Variants in FYB2 observed in about 807,000 individuals in gnomAD.
FYB2 encodes the protein FYN-binding protein 2.
In FYB2, 103 loss-of-function variants were observed where a neutral mutation model predicts 94.1. The observed-to-expected ratio is 1.09, with a 90% CI of 0.93 to 1.29. The LOEUF (loss-of-function observed/expected upper bound fraction) is 1.29. Among genes scored for constraint, FYB2 ranks in the 50% most tolerant of loss-of-function variants. The pLI, the probability that FYB2 is intolerant of heterozygous loss-of-function variation, is 0.00. For missense variants in FYB2, 896 were observed against 841.5 expected, an observed-to-expected ratio of 1.06 and a Z score of -0.80; for synonymous variants, 293 against 287.9, an observed-to-expected ratio of 1.02 and a Z score of -0.18.
intron 15 of FYB2, among the ~76,000 whole-genome samples, chr1:56,732,947 C>T (rs961886334): frequency 1.3e-5 from 2 of 152,024 alleles, no homozygotes; most frequent in African/African-American, 4.8e-5. Context: ...ACTAAGACCT[C>T]AGTAGCACAA....
upstream of FYB2, chr1:56,819,509 A>T (rs776013078): frequency 1.7e-3 from 1,081 of 631,290 alleles, 18 homozygotes; most frequent in Non-Finnish European, 8.5e-4. Flanking sequence ...AGCTTGGCTT[A>T]GACCAGCACC....
At chr1:56,819,428 C>T (rs1405279139), upstream of FYB2, 3 of 1,218,992 alleles carry the variant, frequency 2.5e-6, no homozygotes, top group Non-Finnish European at 3.5e-6. Flanking sequence ...GCCCAGGCTC[C>T]CCACCTGCCC....
At chr1:56,778,714 A>C (rs1318990046) in intron 4 of FYB2, among the ~76,000 whole-genome samples, 1 of 152,212 alleles carries the variant, frequency 6.6e-6, no homozygotes, top group Non-Finnish European at 1.5e-5. Flanking sequence ...GCAGAATCAT[A>C]TATGAAATAG....
chr1:56,803,168 G>A (rs1287921846), intron 1 of FYB2, among the ~76,000 whole-genome samples: 15 of 152,080 alleles, frequency 9.9e-5, no homozygotes, highest in Admixed American at 8.5e-4. Context: ...TTCTGTATAC[G>A]TAAATCCTAG....
chr1:56,755,310 T>C (rs1645300413), intron 7 of FYB2, among the ~76,000 whole-genome samples: 2 of 152,032 alleles, frequency 1.3e-5, no homozygotes, highest in African/African-American at 4.8e-5. Context: ...GTGGCATTTG[T>C]GCAAACATAC....
At chr1:56,768,482 A>G (rs1259397295) in intron 4 of FYB2, among the ~76,000 whole-genome samples, 1 of 152,214 alleles carries the variant, frequency 6.6e-6, no homozygotes, top group Non-Finnish European at 1.5e-5. Context: ...GACTATGGCC[A>G]TAGGAACTGA....
Position 56,753,825 on chromosome 1 carries a change from T to C in FYB2, c.1227+14A>G. On this transcript the variant is annotated intron_variant, in intron 8 of 19. Coordinates refer to ENST00000343433, the MANE Select transcript of FYB2 (RefSeq NM_001004303.5). Reference sequence around the variant, plus strand: ...TTATATGTCTAAACTGCAGGAACCGTAGAACATAGGTACCTTGAAAACATG... The same window carrying C: ...TTATATGTCTAAACTGCAGGAACCGCAGAACATAGGTACCTTGAAAACATG... 6.4e-7 allele frequency: 1 copy of C among 1,571,232 alleles called. No homozygotes were observed. Among genetic ancestry groups the C allele is most frequent in the South Asian group, 1.1e-5 (1 of 90,198 alleles).
chr1:56,741,768 A>G (rs1172398975), intron 12 of FYB2, among the ~76,000 whole-genome samples: 1 of 152,078 alleles, frequency 6.6e-6, no homozygotes, highest in African/African-American at 2.4e-5. Context: ...ACAGAGACAC[A>G]GGTAAGTCAT....
intron 7 of FYB2, among the ~76,000 whole-genome samples, chr1:56,754,938 C>T (rs1171801878): frequency 2.0e-5 from 3 of 152,006 alleles, no homozygotes; most frequent in African/African-American, 7.2e-5. Context: ...AATTTAGGGA[C>T]AGGCAGGAAC....
At chr1:56,753,692 T>C (rs1570000844) in intron 8 of FYB2, 147 bp downstream of exon 8, 3 of 608,034 alleles carry the variant, frequency 4.9e-6, no homozygotes, top group East Asian at 5.6e-5. Context: ...AGTGTCATTG[T>C]TACATTTATT....
rs1644809605 is a variant in FYB2 at position 56,735,477 on chromosome 1, G to C, written c.1793+1610C>G. Among the ~76,000 whole-genome samples, 3 of 152,124 alleles carry C rather than the reference G, an allele frequency of 2.0e-5. No homozygotes were observed. In the South Asian group the frequency reaches 6.2e-4, roughly 32 times the overall value. The stretch of plus-strand genomic sequence containing the variant: ...GCTGGGAAAGTAGGGAATAGAGAGA[G>C]ATTAGTTCAGGATACAATATACAGT... On this transcript the variant is annotated intron_variant, in intron 15 of 19. Transcript: ENST00000343433.
chr1:56,736,154 AT>A lies in FYB2; in HGVS notation c.1793+932del, dbSNP rs533017295. On this transcript the variant is annotated intron_variant, in intron 15 of 19. Coordinates refer to ENST00000343433, the MANE Select transcript of FYB2 (RefSeq NM_001004303.5). ...CATAGAAACCTAGGGAAAAACTAGT[AT>A]TTTTTTTCCTTTGGAGGATGGCATA... Among the ~76,000 whole-genome samples, 35 of 151,978 alleles carry A rather than the reference AT, an allele frequency of 2.3e-4. No individual in the cohort carries two copies. The South Asian group carries it at 6.9e-3, about 30-fold the overall frequency.
At chr1:56,756,736 T>C (rs919060239) in intron 6 of FYB2, among the ~76,000 whole-genome samples, 1 of 152,108 alleles carries the variant, frequency 6.6e-6, no homozygotes, top group Non-Finnish European at 1.5e-5. Context: ...ATGTCATCTG[T>C]AATATGGGAG....
At chr1:56,819,642 G>A (rs1646966029), upstream of FYB2, 1 of 444,550 alleles carries the variant, frequency 2.2e-6, no homozygotes, top group Non-Finnish European at 4.1e-6. Flanking sequence ...CAGGGCATTT[G>A]TGCCCAGGCA....
intron 1 of FYB2, among the ~76,000 whole-genome samples, chr1:56,801,808 A>T (rs868339237): frequency 6.6e-6 from 1 of 152,160 alleles, no homozygotes; most frequent in African/African-American, 2.4e-5. Flanking sequence ...TCTGGAATAC[A>T]TCTTAATTCT....
At chr1:56,720,440 G>T in intron 17 of FYB2, 111 bp from the exon 18 acceptor site, 1 of 980,880 alleles carries the variant, frequency 1.0e-6, no homozygotes, top group Non-Finnish European at 1.4e-6. Context: ...AGATACTATT[G>T]ACTAGTTAAA....
chr1:56,726,457 C>A (rs747728756), intron 16 of FYB2, 40 bp downstream of exon 16: 2 of 1,556,466 alleles, frequency 1.3e-6, no homozygotes. Context: ...GTATAAATTG[C>A]AGCAGATAAG....
At position 56,720,038 on chromosome 1, in the gene FYB2, C is replaced by A; in HGVS notation, c.2149G>T (p.Glu717Ter). The change falls in exon 19 of 20, where the codon GAA (glutamate) becomes TAA (stop). Residue 717 changes from glutamate to a stop codon, truncating the protein, a stop_gained. Transcript: ENST00000343433. LOFTEE classifies it high-confidence loss of function. ...ACAGCTTACTTGAAATCTAGATGTT[C>A]AATGAGCACATATCCATCTAATAGA... is the stretch of plus-strand genomic sequence containing the variant. ...SKGKYGYVLI[E>*]HLDFKHQSWS... is the part of the protein sequence containing the mutation. 1 of 1,601,700 alleles carries A rather than the reference C, an allele frequency of 6.2e-7. No homozygotes were observed. The highest frequency in any genetic ancestry group is 8.5e-7 in the Non-Finnish European group (1 of 1,174,780).
intron 17 of FYB2, among the ~76,000 whole-genome samples, chr1:56,721,015 T>A (rs1644475580): frequency 6.6e-6 from 1 of 152,144 alleles, no homozygotes; most frequent in African/African-American, 2.4e-5. Context: ...TATATATAGC[T>A]ATACTACATG....
Sources: allele counts gnomAD v4.1 joint callset (sites outside exome capture counted in the v4.1 genomes callset), GRCh38; gene constraint gnomAD v4.1.1; transcripts MANE v1.5; gene names NCBI Gene and HGNC (gene_info 2026-07-23, HGNC 2026-07-21).